Variants in IFT140 observed in about 807,000 individuals in gnomAD.
IFT140 encodes intraflagellar transport 140.
A neutral mutation model predicts 164.6 loss-of-function variants in IFT140; 133 were observed. That is an observed-to-expected ratio of 0.81 (90% CI 0.70 to 0.93). The LOEUF is 0.93. Among genes scored for constraint, IFT140 ranks in the 40% least tolerant of loss-of-function variants. IFT140 has a pLI of 0.00. For synonymous variants in IFT140, 860 were observed against 817.3 expected (o/e 1.05, Z -0.89); for missense variants, 2,045 against 1,972.3 (o/e 1.04, Z -0.70).
At chr16:1,582,661 T>G (rs925287049) in intron 12 of IFT140, among the ~76,000 whole-genome samples, 1 of 152,230 alleles carries the variant, frequency 6.6e-6, no homozygotes, top group Non-Finnish European at 1.5e-5. Context: ...CACACCACTT[T>G]GGGAGGCCGA....
In IFT140 at chr16:1,524,605, C is replaced by T; in HGVS notation, c.3088G>A (p.Val1030Met). Residue 1030 changes from valine (V) to methionine (M), a missense_variant, in exon 24 of 31, where the codon GTG becomes ATG. Physicochemically the swap from Val to Met is conservative, Grantham distance 21. Coordinates refer to ENST00000426508, the MANE Select transcript of IFT140 (RefSeq NM_014714.4). The stretch of plus-strand genomic sequence containing the variant: ...GCCTGTGCCCGGGTGTAGAAGTGCA[C>T]CGCCTGCCCGACCTCCTCCTGGCTC... ...YESQEEVGQA[V>M]HFYTRAQAFK... 1 of 1,605,964 alleles carries T rather than the reference C, an allele frequency of 6.2e-7. No homozygotes were observed. The highest frequency in any genetic ancestry group is 8.5e-7 in the Non-Finnish European group (1 of 1,174,608).
chr16:1,517,883 G>C (rs1048199496), intron 30 of IFT140, among the ~76,000 whole-genome samples: 21 of 152,088 alleles, frequency 1.4e-4, no homozygotes, highest in Non-Finnish European at 2.6e-4. Flanking sequence ...TGTCACCCAG[G>C]CTGGAGTGCA....
intron 19 of IFT140, among the ~76,000 whole-genome samples, chr16:1,545,451 GACAA>G (rs2141330860): frequency 6.6e-6 from 1 of 152,324 alleles, no homozygotes; most frequent in Non-Finnish European, 1.5e-5. Context: ...TTGTTTCATT[GACAA>G]ACAGGACAGA....
chr16:1,547,777 C>A (rs1422027832), intron 19 of IFT140, among the ~76,000 whole-genome samples: 1 of 152,146 alleles, frequency 6.6e-6, no homozygotes, highest in Non-Finnish European at 1.5e-5. Context: ...CTCAGGTGAT[C>A]CACCCACCTT....
intron 9 of IFT140, among the ~76,000 whole-genome samples, 194 bp downstream of exon 9, chr16:1,587,004 A>C (rs2034920779): frequency 6.6e-6 from 1 of 151,224 alleles, no homozygotes; most frequent in African/African-American, 2.4e-5. Context: ...TTCTAACCAA[A>C]CCCCCTGGCC....
At chr16:1,513,781 C>T (rs56007831) in intron 30 of IFT140, among the ~76,000 whole-genome samples, 1 of 150,472 alleles carries the variant, frequency 6.6e-6, no homozygotes, top group Admixed American at 6.6e-5. Flanking sequence ...TCACACCATT[C>T]TCCTGCCTCA....
chr16:1,559,845 A>G (rs976724703), intron 18 of IFT140, among the ~76,000 whole-genome samples: 3 of 152,256 alleles, frequency 2.0e-5, no homozygotes. Flanking sequence ...ATCTCAGGAA[A>G]ACAACCCGGT....
chr16:1,520,038 C>G lies in IFT140; in HGVS notation c.3883G>C (p.Asp1295His). 6.3e-7 allele frequency: 1 copy of G among 1,599,710 alleles called. No individual in the cohort carries two copies. The change falls in exon 29 of 31, where the codon GAT (aspartate) becomes CAT (histidine). Residue 1295 changes from aspartate to histidine, a missense_variant. Asp to His is a moderately conservative substitution (Grantham distance 81). Coordinates refer to ENST00000426508, the MANE Select transcript of IFT140 (RefSeq NM_014714.4). ...GCTTTGTCGTAGTTCTGGTATTCAT[C>G]AATCTCCACCTGTACAGATGAAACC... ...FYDACAQVEI[D>H]EYQNYDKAHG...
chr16:1,600,810 T>C (rs1261461013), intron 4 of IFT140, among the ~76,000 whole-genome samples: 1 of 151,018 alleles, frequency 6.6e-6, no homozygotes, highest in Non-Finnish European at 1.5e-5. Context: ...GAAAGTATTA[T>C]GAGGAGACAA....
intron 4 of IFT140, 136 bp from the exon 5 acceptor site, chr16:1,592,724 G>A (rs949704712): frequency 5.8e-5 from 79 of 1,354,338 alleles, no homozygotes; most frequent in African/African-American, 9.0e-5. Flanking sequence ...CAGGTGTCCC[G>A]GCAGAGTGAC....
At chr16:1,552,093 C>T (rs951498552) in intron 19 of IFT140, among the ~76,000 whole-genome samples, 24 of 152,268 alleles carry the variant, frequency 1.6e-4, no homozygotes, top group African/African-American at 5.1e-4. Flanking sequence ...CTGTTCCATT[C>T]GGATGAATGA....
At chr16:1,571,820 T>C (rs2034031222) in intron 13 of IFT140, among the ~76,000 whole-genome samples, 1 of 152,072 alleles carries the variant, frequency 6.6e-6, no homozygotes, top group Non-Finnish European at 1.5e-5. Context: ...AGCAGTGCGG[T>C]CGACAAACAA....
intron 20 of IFT140, 21 bp from the exon 21 acceptor site, chr16:1,526,098 G>T: frequency 6.4e-7 from 1 of 1,562,032 alleles, no homozygotes; most frequent in East Asian, 2.4e-5. Flanking sequence ...AGGATGGGCA[G>T]GTGTCGTGCA....
rs532290747 is a variant in IFT140, at chr16:1,593,450, G to A, written c.370-862C>T. ...CCTCAGCCTCCTGAGTAGCTGGGAC[G>A]ACAGGTGCATGCCACCACACCCAGC... On this transcript the variant is annotated intron_variant, in intron 4 of 30. Transcript: ENST00000426508. Among the ~76,000 whole-genome samples, 7 of 151,890 alleles carry A rather than the reference G, an allele frequency of 4.6e-5. 1 individual carries two copies. Among genetic ancestry groups the A allele is most frequent in the African/African-American group, 1.4e-4 (6 of 41,414 alleles).
chr16:1,586,709 T>C (rs963261303), intron 9 of IFT140, among the ~76,000 whole-genome samples: 4 of 152,184 alleles, frequency 2.6e-5, no homozygotes, highest in Non-Finnish European at 5.9e-5. Flanking sequence ...TGAGCAGGAA[T>C]CGGTTTGCTT....
chr16:1,572,351 A>C (rs998988328), intron 13 of IFT140, among the ~76,000 whole-genome samples: 3 of 152,178 alleles, frequency 2.0e-5, no homozygotes, highest in Non-Finnish European at 4.4e-5. Context: ...GCACGTTAGA[A>C]AGCATGCCCC....
At position 1,526,344 on chromosome 16, in the gene IFT140, C is replaced by T. The variant is rs1397448773; in HGVS notation, c.2578-267G>A. The T allele has an allele frequency of 3.9e-5, 23 of 587,874 alleles. 1 individual carries two copies. Among genetic ancestry groups the T allele is most frequent in the East Asian group, 2.6e-4 (9 of 34,152 alleles). 36.4% of individuals were successfully genotyped at this position (587,874 alleles called of 1,614,324 possible). A position where few individuals can be genotyped will look rare whatever the true frequency, so the allele number is the denominator to read the frequency against. On this transcript the variant is annotated intron_variant, in intron 20 of 30. Coordinates refer to ENST00000426508, the MANE Select transcript of IFT140 (RefSeq NM_014714.4). ...CCTCCCACAGCCTCCCCAGAAGTCC[C>T]GTGCTCAGCCCTGCTGACCTGGGGG...
intron 22 of IFT140, 56 bp from the exon 23 acceptor site, chr16:1,524,972 C>T (rs376872980): frequency 2.3e-5 from 36 of 1,563,918 alleles, no homozygotes; most frequent in South Asian, 1.7e-4. Flanking sequence ...CAACCCGGGA[C>T]GGCCCCCACC....
intron 30 of IFT140, among the ~76,000 whole-genome samples, chr16:1,513,933 A>G (rs1458879144): frequency 6.7e-6 from 1 of 148,916 alleles, no homozygotes; most frequent in East Asian, 2.1e-4. Flanking sequence ...TTGGCCTCCC[A>G]AAGTGCTGGG....
Sources: gnomAD v4.1 joint callset for allele counts (sites outside exome capture counted in the v4.1 genomes callset) on GRCh38, gnomAD v4.1.1 for gene constraint, MANE v1.5 for transcripts, NCBI Gene and HGNC (gene_info 2026-07-23, HGNC 2026-07-21) for gene names.